Variants in LRP6 observed in about 807,000 individuals in gnomAD.
The protein encoded by LRP6 is LDL receptor related protein 6.
A neutral mutation model predicts 184.1 loss-of-function variants in LRP6; 43 were observed. That is an observed-to-expected ratio of 0.23 (90% CI 0.18 to 0.30). The LOEUF is 0.30. Among genes scored for constraint, LRP6 ranks in the 10% least tolerant of loss-of-function variants. The pLI, the probability that LRP6 is intolerant of heterozygous loss-of-function variation, is 1.00. For missense variants in LRP6, 1,571 were observed against 2,005.3 expected, an observed-to-expected ratio of 0.78 and a Z score of 4.14; for synonymous variants, 719 against 684.9, an observed-to-expected ratio of 1.05 and a Z score of -0.78.
intron 2 of LRP6, among the ~76,000 whole-genome samples, chr12:12,240,193 C>A (rs1865027829): frequency 6.6e-6 from 1 of 152,102 alleles, no homozygotes; most frequent in African/African-American, 2.4e-5. Flanking sequence ...AGATAATGAT[C>A]TCAAAAAACC....
In LRP6 at chr12:12,142,951, T is replaced by C. The variant is rs559543746; in HGVS notation, c.3397+4415A>G. 2.0e-5 allele frequency among the ~76,000 whole-genome samples: 3 copies of C among 152,218 alleles called. No individual in the cohort carries two copies. The South Asian group carries it at 6.2e-4, about 32-fold the overall frequency. On this transcript the variant is annotated intron_variant, in intron 15 of 22. Transcript: ENST00000261349. ...ATTATCATCCTATTCAACACTGTACTGGGGGACCCCAGCCAGTATAAGGAA... is the reference window on the plus strand; with the variant it reads ...ATTATCATCCTATTCAACACTGTACCGGGGGACCCCAGCCAGTATAAGGAA...
chr12:12,187,381 C>T (rs941849843), intron 3 of LRP6: 14 of 480,198 alleles, frequency 2.9e-5, no homozygotes, highest in Non-Finnish European at 4.2e-5. Context: ...ACAAGATACC[C>T]GGCAGAGAGA....
rs573866891 is a variant in LRP6 at position 12,155,658 on chromosome 12, T to C, written c.2791+3171A>G. ...AAAAGAAAGAAGCCAAAGAGAAAGG[T>C]ACCTGGGTTCAACTGAAGCGCCAGC... On this transcript the variant is annotated intron_variant, in intron 12 of 22. Coordinates refer to ENST00000261349, the MANE Select transcript of LRP6 (RefSeq NM_002336.3). The C allele has an allele frequency of 8.0e-4, 764 of 955,932 alleles. 3 individuals are homozygous for C. Among genetic ancestry groups the C allele is most frequent in the Middle Eastern group, 4.2e-3 (15 of 3,538 alleles). 59.2% of individuals were successfully genotyped at this position (955,932 alleles called of 1,614,324 possible).
chr12:12,121,388 G>C lies in LRP6; in HGVS notation c.4580C>G (p.Pro1527Arg), dbSNP rs760139261. ...ATCTGTGCTGCAGGGTGTGGTGGGG[G>C]GTGCAAAGTGCCGGTAGCTATATGG... is the stretch of plus-strand genomic sequence containing the variant. ...YRPYSYRHFA[P>R]PTTPCSTDVC... The change falls in exon 23 of 23, where the codon CCC (proline) becomes CGC (arginine). Residue 1527 changes from proline (P) to arginine (R), a missense_variant. Physicochemically the swap from Pro to Arg is moderately radical, Grantham distance 103. Around this residue, in one of 4 missense-constraint regions of LRP6, gnomAD observed 763 missense variants for 859.5 expected, o/e 0.89. Transcript: ENST00000261349. 17 of 1,614,082 alleles carry C rather than the reference G, an allele frequency of 1.1e-5. No individual in the cohort carries two copies. Among genetic ancestry groups the C allele is most frequent in the Middle Eastern group, 1.6e-4 (1 of 6,062 alleles).
At chr12:12,190,366 G>GA (rs1863580619) in intron 3 of LRP6, among the ~76,000 whole-genome samples, 3 of 152,106 alleles carry the variant, frequency 2.0e-5, no homozygotes, top group Non-Finnish European at 4.4e-5. Context: ...AACGATAACA[G>GA]AAACTAAAAA....
intron 16 of LRP6, 35 bp from the exon 17 acceptor site, chr12:12,135,335 G>A (rs200713061): frequency 1.4e-6 from 2 of 1,478,744 alleles, no homozygotes; most frequent in Non-Finnish European, 1.9e-6. Context: ...GGGAGAGGAG[G>A]GGGAGTGGAG....
In LRP6 at chr12:12,125,327, G is replaced by C; in HGVS notation, c.4418C>G (p.Ser1473Cys). 6.2e-7 allele frequency: 1 copy of C among 1,614,070 alleles called. No individual in the cohort carries two copies. The highest frequency in any genetic ancestry group is 2.2e-5 in the East Asian group (1 of 44,882). Residue 1473 changes from serine (S) to cysteine (C), a missense_variant, in exon 21 of 23, where the codon TCT becomes TGT. This residue lies in a region of LRP6 where 763 missense variants were observed against 859.5 expected (regional missense o/e 0.89). Coordinates refer to ENST00000261349, the MANE Select transcript of LRP6 (RefSeq NM_002336.3). ...GAAGTAAGTGCCTTTGGTGCTTGAA[G>C]AACTACTTGATGATGCTCCTGTAAC... is the stretch of plus-strand genomic sequence containing the variant. ...AHVTGASSSSSSSTKGTYFPA... is the reference protein window; with the variant it reads ...AHVTGASSSSCSSTKGTYFPA...
intron 2 of LRP6, among the ~76,000 whole-genome samples, chr12:12,207,586 A>G (rs975707531): frequency 1.3e-5 from 2 of 152,140 alleles, no homozygotes; most frequent in Non-Finnish European, 2.9e-5. Context: ...GCCATTATCT[A>G]ACTGACTCTG....
rs568215830 is a variant in LRP6 at position 12,132,076 on chromosome 12, A to C, written c.3734-19T>G. 1 of 1,542,892 alleles carries C rather than the reference A, an allele frequency of 6.5e-7. No homozygotes were observed. The highest frequency in any genetic ancestry group is 1.4e-5 in the African/African-American group (1 of 73,622). On this transcript the variant is annotated intron_variant, in intron 17 of 22. Transcript: ENST00000261349. Reference sequence around the variant, plus strand: ...GGAGGTTCTTCAAATGAACAAGGAGAAGGGGAGTGACAAAAACACAATCAT... The same window carrying C: ...GGAGGTTCTTCAAATGAACAAGGAGCAGGGGAGTGACAAAAACACAATCAT...
At chr12:12,134,742 G>T (rs1949808766) in intron 17 of LRP6, among the ~76,000 whole-genome samples, 1 of 152,078 alleles carries the variant, frequency 6.6e-6, no homozygotes, top group East Asian at 1.9e-4. Context: ...TTTACCTTTT[G>T]GGAGAGGGGG....
At chr12:12,247,907 T>C (rs1298057274) in intron 1 of LRP6, among the ~76,000 whole-genome samples, 3 of 152,212 alleles carry the variant, frequency 2.0e-5, no homozygotes, top group African/African-American at 4.8e-5. Context: ...TTTTCCTTTA[T>C]TAAACTCCTG....
At chr12:12,144,958 A>C (rs1949982027) in intron 15 of LRP6, among the ~76,000 whole-genome samples, 1 of 152,102 alleles carries the variant, frequency 6.6e-6, no homozygotes, top group South Asian at 2.1e-4. Flanking sequence ...GAAATACCTA[A>C]TGTAAATTAC....
At chr12:12,247,489 G>C (rs1017431267) in intron 1 of LRP6, among the ~76,000 whole-genome samples, 2 of 152,220 alleles carry the variant, frequency 1.3e-5, no homozygotes, top group African/African-American at 4.8e-5. Flanking sequence ...TCCTGAAAAC[G>C]GGTGAAGGAG....
intron 22 of LRP6, 46 bp from the exon 23 acceptor site, chr12:12,121,466 A>T (rs771038497): frequency 1.3e-6 from 2 of 1,573,374 alleles, no homozygotes; most frequent in Non-Finnish European, 1.7e-6. Context: ...TTTACAAAAA[A>T]AAATGATTTC....
intron 4 of LRP6, among the ~76,000 whole-genome samples, chr12:12,185,248 G>A (rs963413612): frequency 3.3e-5 from 5 of 152,086 alleles, no homozygotes; most frequent in Non-Finnish European, 7.4e-5. Context: ...GCAGGGAGCC[G>A]TGATCACATA....
intron 3 of LRP6, among the ~76,000 whole-genome samples, chr12:12,200,480 T>C: frequency 6.6e-6 from 1 of 152,144 alleles, no homozygotes; most frequent in East Asian, 1.9e-4. Flanking sequence ...ACTGCCACCA[T>C]CTCCATTTCC....
chr12:12,222,694 T>C lies in LRP6; in HGVS notation c.450-19294A>G, dbSNP rs576400501. Among the ~76,000 whole-genome samples, 129 of 152,212 alleles carry C rather than the reference T, an allele frequency of 8.5e-4. 5 individuals carry two copies. The South Asian group carries it at 0.026, about 31-fold the overall frequency. On this transcript the variant is annotated intron_variant, in intron 2 of 22. Coordinates refer to ENST00000261349, the MANE Select transcript of LRP6 (RefSeq NM_002336.3). ...TATATATACTATGTTTTTTCCTATA[T>C]ATACATACTTATGACAAAAGTGTGG...
chr12:12,217,998 C>A (rs77970482), intron 2 of LRP6, among the ~76,000 whole-genome samples: 22 of 152,222 alleles, frequency 1.4e-4, no homozygotes, highest in Middle Eastern at 3.4e-3. Flanking sequence ...ACTAAAACCA[C>A]AAGCAACAAA....
chr12:12,219,669 G>C (rs1591959161), intron 2 of LRP6, among the ~76,000 whole-genome samples: 1 of 152,196 alleles, frequency 6.6e-6, no homozygotes, highest in Non-Finnish European at 1.5e-5. Flanking sequence ...TGGCACTGGA[G>C]GGGGCTACCC....
Sources: gnomAD v4.1 joint callset for allele counts (sites outside exome capture counted in the v4.1 genomes callset) on GRCh38, gnomAD v4.1.1 for gene constraint, gnomAD v4.1.1 regional missense constraint, MANE v1.5 for transcripts, NCBI Gene and HGNC (gene_info 2026-07-23, HGNC 2026-07-21) for gene names.